Variants in GRID2 observed in about 807,000 individuals in gnomAD.
The protein encoded by GRID2 is glutamate receptor ionotropic, delta-2.
In GRID2, 33 loss-of-function variants were observed where a neutral mutation model predicts 114.8. That is an observed-to-expected ratio of 0.29 (90% CI 0.22 to 0.38). The LOEUF (loss-of-function observed/expected upper bound fraction) is 0.38, where lower values mean the gene tolerates loss of function less well. GRID2 is among the 10% of genes least tolerant of loss of function. The pLI, the probability that GRID2 is intolerant of heterozygous loss-of-function variation, is 1.00. For missense variants in GRID2, 1,184 were observed against 1,257.7 expected, an observed-to-expected ratio of 0.94 and a Z score of 0.89; for synonymous variants, 505 against 449.9, an observed-to-expected ratio of 1.12 and a Z score of -1.55.
intron 1 of GRID2, among the ~76,000 whole-genome samples, chr4:92,373,303 C>G (rs1203573511): frequency 6.6e-6 from 1 of 152,134 alleles, no homozygotes; most frequent in Admixed American, 6.6e-5. Context: ...TTTGTCTGTG[C>G]TCAAACATTT....
intron 8 of GRID2, among the ~76,000 whole-genome samples, chr4:93,346,155 A>AT (rs1024707255): frequency 1.3e-5 from 2 of 151,940 alleles, no homozygotes; most frequent in African/African-American, 4.8e-5. Flanking sequence ...TTTTAGGATT[A>AT]TTTTTCTTTT....
At position 92,743,319 on chromosome 4, in the gene GRID2, C is replaced by A. The variant is rs145931164; in HGVS notation, c.244+153033C>A. 8.9e-4 allele frequency among the ~76,000 whole-genome samples: 135 copies of A among 152,246 alleles called. 2 individuals are homozygous for A. In the South Asian group the frequency reaches 0.019, roughly 21 times the overall value. On this transcript the variant is annotated intron_variant, in intron 2 of 15. Transcript: ENST00000282020. ...ATCATCATCTAAAAAATAGAATGAT[C>A]ATTTCTCTGTTGTTATAGGCCATTA...
intron 1 of GRID2, among the ~76,000 whole-genome samples, chr4:92,371,711 A>G (rs945486442): frequency 2.6e-5 from 4 of 152,204 alleles, no homozygotes; most frequent in Non-Finnish European, 4.4e-5. Context: ...CTGCTATTAC[A>G]ACATTTATTT....
intron 1 of GRID2, among the ~76,000 whole-genome samples, chr4:92,389,305 T>C (rs528326600): frequency 6.6e-6 from 1 of 152,046 alleles, no homozygotes; most frequent in African/African-American, 2.4e-5. Context: ...AGGGACAGTA[T>C]GGGGTTTGAA....
chr4:93,451,646 A>G (rs1183764156), intron 10 of GRID2, among the ~76,000 whole-genome samples: 1 of 152,090 alleles, frequency 6.6e-6, no homozygotes, highest in Non-Finnish European at 1.5e-5. Context: ...TTTGGCTACA[A>G]TAGGGAGACT....
chr4:93,588,223 AG>A (rs1466689494), intron 13 of GRID2, among the ~76,000 whole-genome samples: 1 of 152,122 alleles, frequency 6.6e-6, no homozygotes, highest in East Asian at 1.9e-4. Context: ...AAAAGAAGAA[AG>A]GGGGAGGGAA....
intron 14 of GRID2, among the ~76,000 whole-genome samples, chr4:93,735,664 C>T (rs1246538359): frequency 6.6e-6 from 1 of 151,996 alleles, no homozygotes. Flanking sequence ...AATGTGAGCA[C>T]GTTTTCTTTA....
At chr4:93,299,350 C>A (rs1252587685) in intron 8 of GRID2, among the ~76,000 whole-genome samples, 1 of 151,986 alleles carries the variant, frequency 6.6e-6, no homozygotes, top group African/African-American at 2.4e-5. Context: ...GGAGACTTAA[C>A]CACAAACTGG....
intron 1 of GRID2, among the ~76,000 whole-genome samples, chr4:92,571,698 G>A (rs1727631609): frequency 6.6e-6 from 1 of 152,048 alleles, no homozygotes; most frequent in Admixed American, 6.6e-5. Flanking sequence ...AGACCACAGT[G>A]CAATCAAACT....
chr4:93,313,808 C>A (rs1368674642), intron 8 of GRID2, among the ~76,000 whole-genome samples: 2 of 152,052 alleles, frequency 1.3e-5, no homozygotes, highest in Admixed American at 1.3e-4. Flanking sequence ...AGATTAAGTT[C>A]TTGCAGTTTT....
At chr4:93,140,399 C>T (rs564208589) in intron 4 of GRID2, among the ~76,000 whole-genome samples, 179 of 152,224 alleles carry the variant, frequency 1.2e-3, no homozygotes, top group African/African-American at 4.0e-3. Context: ...ACCTCCTGAT[C>T]CGCCTGCCTA....
At chr4:93,132,997 A>G (rs1734940829) in intron 4 of GRID2, among the ~76,000 whole-genome samples, 1 of 152,220 alleles carries the variant, frequency 6.6e-6, no homozygotes, top group Non-Finnish European at 1.5e-5. Flanking sequence ...CTGTTAAGCA[A>G]ACAGATAGTT....
chr4:92,510,539 G>A (rs1724192967), intron 1 of GRID2, among the ~76,000 whole-genome samples: 1 of 151,744 alleles, frequency 6.6e-6, no homozygotes, highest in African/African-American at 2.4e-5. Context: ...CAAACTCTAG[G>A]GAAGTTCAAA....
chr4:92,552,897 T>C (rs925653721), intron 1 of GRID2, among the ~76,000 whole-genome samples: 14 of 152,336 alleles, frequency 9.2e-5, no homozygotes, highest in Middle Eastern at 6.8e-3. Context: ...AATTCCAGTC[T>C]TCTCTCTCAG....
chr4:93,556,373 G>A (rs1480390958), intron 13 of GRID2, among the ~76,000 whole-genome samples: 2 of 152,126 alleles, frequency 1.3e-5, no homozygotes, highest in Admixed American at 1.3e-4. Flanking sequence ...AACGTTAGAG[G>A]AATTGCTAAC....
chr4:93,390,504 C>T (rs190476708), intron 8 of GRID2, among the ~76,000 whole-genome samples: 13 of 152,166 alleles, frequency 8.5e-5, no homozygotes, highest in Admixed American at 5.9e-4. Context: ...TTTTACTATT[C>T]GCATTTGAGA....
chr4:92,427,885 C>A (rs191208938), intron 1 of GRID2, among the ~76,000 whole-genome samples: 13 of 152,260 alleles, frequency 8.5e-5, no homozygotes, highest in Admixed American at 7.2e-4. Context: ...AAAAATCAAG[C>A]TATTGCTAGG....
chr4:92,525,093 G>T (rs917314019), intron 1 of GRID2, among the ~76,000 whole-genome samples: 1 of 151,912 alleles, frequency 6.6e-6, no homozygotes, highest in Non-Finnish European at 1.5e-5. Flanking sequence ...CAAAAGAAAA[G>T]GCTGATCAGT....
At chr4:93,022,112 T>C (rs1242158716) in intron 2 of GRID2, among the ~76,000 whole-genome samples, 1 of 151,740 alleles carries the variant, frequency 6.6e-6, no homozygotes, top group Admixed American at 6.6e-5. Flanking sequence ...ACAAAAATCT[T>C]TCCATAGATA....
Sources: allele counts gnomAD v4.1 joint callset (sites outside exome capture counted in the v4.1 genomes callset), GRCh38; gene constraint gnomAD v4.1.1; transcripts MANE v1.5; gene names NCBI Gene and HGNC (gene_info 2026-07-23, HGNC 2026-07-21).